The following EPHA5 variants were observed in gnomAD, a reference collection of about 807,000 sequenced individuals.
The protein encoded by EPHA5 is ephrin type-A receptor 5.
EPHA5 carries 60 observed loss-of-function variants against 105.0 expected under a neutral mutation model. The observed-to-expected ratio is 0.57, with a 90% confidence interval of 0.46 to 0.71. The LOEUF is 0.71. Among genes scored for constraint, EPHA5 ranks in the 30% least tolerant of loss-of-function variants. The pLI is 0.00. For missense variants in EPHA5, 1,218 were observed against 1,274.7 expected (o/e 0.96, Z 0.68); for synonymous variants, 513 against 449.1 (o/e 1.14, Z -1.80).
chr4:65,561,924 G>A (rs1739055893), intron 3 of EPHA5, among the ~76,000 whole-genome samples: 1 of 151,918 alleles, frequency 6.6e-6, no homozygotes, highest in African/African-American at 2.4e-5. Context: ...CTCGCATTGA[G>A]GTCTAATATT....
chr4:65,488,668 C>T (rs547037230), intron 5 of EPHA5, among the ~76,000 whole-genome samples: 9 of 152,158 alleles, frequency 5.9e-5, no homozygotes, highest in African/African-American at 1.9e-4. Context: ...AAAATATAAA[C>T]GATTCACTGG....
chr4:65,524,036 TGAAAATATGTAAAAA>T (rs1359746258), intron 3 of EPHA5, among the ~76,000 whole-genome samples: 2 of 151,844 alleles, frequency 1.3e-5, no homozygotes, highest in African/African-American at 2.4e-5. Flanking sequence ...TCCAAGCAGT[TGAAAATATGTAAAAA>T]TTTTACTAAT....
intron 11 of EPHA5, among the ~76,000 whole-genome samples, chr4:65,357,584 A>G (rs1723425123): frequency 6.6e-6 from 1 of 151,426 alleles, no homozygotes; most frequent in African/African-American, 2.4e-5. Context: ...TATTGTGAAC[A>G]ATCTTGGATT....
At chr4:65,624,482 C>A (rs1745965592) in intron 2 of EPHA5, among the ~76,000 whole-genome samples, 1 of 152,088 alleles carries the variant, frequency 6.6e-6, no homozygotes, top group Admixed American at 6.6e-5. Flanking sequence ...GGTGAGTTTT[C>A]TTCGGAAATT....
intron 15 of EPHA5, 33 bp downstream of exon 15, chr4:65,335,899 A>C (rs1488023318): frequency 3.9e-6 from 6 of 1,556,908 alleles, no homozygotes; most frequent in Non-Finnish European, 5.2e-6. Context: ...AGTTAGCTAC[A>C]TTCTGGAAAA....
chr4:65,333,613 C>CTTTTT (rs778146562), intron 15 of EPHA5, among the ~76,000 whole-genome samples: 3 of 79,184 alleles, frequency 3.8e-5, no homozygotes, highest in East Asian at 4.3e-4. Context: ...GCCTGCTAGT[C>CTTTTT]TTTTTTTTTT....
At chr4:65,574,288 C>T (rs200723501) in intron 3 of EPHA5, 4 of 1,581,560 alleles carry the variant, frequency 2.5e-6, no homozygotes, top group East Asian at 2.2e-5. Flanking sequence ...TCTGTGTTTG[C>T]CCTGACGAAT....
intron 8 of EPHA5, among the ~76,000 whole-genome samples, chr4:65,381,206 A>G (rs1719527377): frequency 6.6e-6 from 1 of 151,834 alleles, no homozygotes; most frequent in South Asian, 2.1e-4. Flanking sequence ...TAGCTTTTAA[A>G]GCAACTAAAT....
chr4:65,531,923 C>A (rs1363959374), intron 3 of EPHA5, among the ~76,000 whole-genome samples: 1 of 152,192 alleles, frequency 6.6e-6, no homozygotes, highest in African/African-American at 2.4e-5. Context: ...ATAAGCCTAT[C>A]TCAAAAGACT....
chr4:65,447,187 A>G (rs1054555394), intron 5 of EPHA5, among the ~76,000 whole-genome samples: 6 of 151,904 alleles, frequency 3.9e-5, no homozygotes, highest in African/African-American at 1.4e-4. Flanking sequence ...TACATTGAGA[A>G]CAATGGATTG....
chr4:65,563,240 A>G (rs1161352471), intron 3 of EPHA5, among the ~76,000 whole-genome samples: 1 of 151,958 alleles, frequency 6.6e-6, no homozygotes, highest in East Asian at 1.9e-4. Flanking sequence ...GCTGAATTTT[A>G]TTTCTCAGGT....
Position 65,595,134 on chromosome 4 carries a change from A to G in EPHA5, c.910+6507T>C, listed in dbSNP as rs566930523. Reference sequence around the variant, plus strand: ...TTTTTTTTCCCCTAACTTCTATGTTAAATGCCACCATTTCAGAAAAAAAAA... The same window carrying G: ...TTTTTTTTCCCCTAACTTCTATGTTGAATGCCACCATTTCAGAAAAAAAAA... On this transcript the variant is annotated intron_variant, in intron 3 of 16. Coordinates refer to ENST00000613740, the MANE Select transcript of EPHA5 (RefSeq NM_001281766.3). Among the ~76,000 whole-genome samples, 57 of 149,112 alleles carry G rather than the reference A, an allele frequency of 3.8e-4. 1 individual carries two copies. The highest frequency in any genetic ancestry group is 2.4e-3 in the Admixed American group (36 of 15,056).
At chr4:65,555,783 T>G (rs965167587) in intron 3 of EPHA5, among the ~76,000 whole-genome samples, 7 of 141,224 alleles carry the variant, frequency 5.0e-5, no homozygotes, top group African/African-American at 9.6e-5. Context: ...TATACCATAT[T>G]CAGACTGTCA....
At chr4:65,626,904 T>C (rs1746207565) in intron 2 of EPHA5, among the ~76,000 whole-genome samples, 1 of 152,234 alleles carries the variant, frequency 6.6e-6, no homozygotes, top group Non-Finnish European at 1.5e-5. Context: ...TGATTTCATT[T>C]ACCCCCTGGA....
rs955827182 is a variant in EPHA5, at chr4:65,408,687, A to G, written c.1688-4208T>C. On this transcript the variant is annotated intron_variant, in intron 7 of 16. Transcript: ENST00000613740. ...ATGGTGATCATTAAAAAGTCAGGAAACAACAGGTGCTGGAGAGGATGTGGA... is the reference window on the plus strand; with the variant it reads ...ATGGTGATCATTAAAAAGTCAGGAAGCAACAGGTGCTGGAGAGGATGTGGA... Among the ~76,000 whole-genome samples the G allele has an allele frequency of 1.8e-4, 28 of 152,018 alleles. 2 individuals carry two copies. The highest frequency in any genetic ancestry group is 1.9e-4 in the Non-Finnish European group (13 of 68,002).
intron 3 of EPHA5, among the ~76,000 whole-genome samples, chr4:65,589,624 A>G (rs963233658): frequency 6.6e-6 from 1 of 152,230 alleles, no homozygotes; most frequent in African/African-American, 2.4e-5. Flanking sequence ...ATATTAAATC[A>G]TGCTTGAACC....
chr4:65,327,910 A>G lies in EPHA5; in HGVS notation c.2946-3691T>C, dbSNP rs181550435. 4.3e-3 allele frequency among the ~76,000 whole-genome samples: 645 copies of G among 151,322 alleles called. 6 individuals are homozygous for G. Among genetic ancestry groups the G allele is most frequent in the African/African-American group, 0.015 (621 of 41,462 alleles). On this transcript the variant is annotated intron_variant, in intron 16 of 16. Transcript: ENST00000613740. ...TACCTAAACCACATATTAAATGGTC[A>G]TCTTAGCAGTAATTACATAAATTTG...
chr4:65,573,011 A>G (rs1350747075), intron 3 of EPHA5, among the ~76,000 whole-genome samples: 1 of 152,160 alleles, frequency 6.6e-6, no homozygotes, highest in Non-Finnish European at 1.5e-5. Flanking sequence ...AGCCCGGGCA[A>G]CAGAGTGAGA....
rs148565875 is a variant in EPHA5, at chr4:65,575,209, C to T, written c.910+26432G>A. On this transcript the variant is annotated intron_variant, in intron 3 of 16. Coordinates refer to ENST00000613740, the MANE Select transcript of EPHA5 (RefSeq NM_001281766.3). ...ATGAATCCTGGCAATCATTCTGGTC[C>T]ACTGAAAGTTGACAGACCACATTTT... Among the ~76,000 whole-genome samples the T allele has an allele frequency of 2.3e-3, 351 of 152,110 alleles. 2 individuals are homozygous for T. Among genetic ancestry groups the T allele is most frequent in the African/African-American group, 7.8e-3 (325 of 41,502 alleles).
Sources: allele counts gnomAD v4.1 joint callset (sites outside exome capture counted in the v4.1 genomes callset), GRCh38; gene constraint gnomAD v4.1.1; transcripts MANE v1.5; gene names NCBI Gene and HGNC (gene_info 2026-07-23, HGNC 2026-07-21).